The following MTHFS variants were observed in gnomAD, a reference collection of about 807,000 sequenced individuals.
MTHFS encodes the protein 5-formyltetrahydrofolate cyclo-ligase.
In MTHFS, 7 loss-of-function variants were observed where a neutral mutation model predicts 12.7. The ratio of observed to expected loss-of-function variants is 0.55; its 90% CI spans 0.31 to 1.03. The LOEUF (loss-of-function observed/expected upper bound fraction) is 1.03. Among genes scored for constraint, MTHFS ranks in the 50% least tolerant of loss-of-function variants. The probability of loss-of-function intolerance (pLI) is 0.05; values close to 1 mark genes in which losing one functional copy is unlikely to be tolerated. For synonymous variants in MTHFS, 100 were observed against 97.1 expected, an observed-to-expected ratio of 1.03 and a Z score of -0.18; for missense variants, 252 against 258.1, an observed-to-expected ratio of 0.98 and a Z score of 0.16.
intron 2 of MTHFS, among the ~76,000 whole-genome samples, chr15:79,871,657 A>T (rs1264759190): frequency 1.3e-5 from 2 of 152,156 alleles, no homozygotes; most frequent in African/African-American, 2.4e-5. Flanking sequence ...AGACAAAAAA[A>T]ATTAATGCCA....
chr15:79,891,455 AC>A (rs1353814318), intron 1 of MTHFS, among the ~76,000 whole-genome samples: 1 of 152,250 alleles, frequency 6.6e-6, no homozygotes, highest in African/African-American at 2.4e-5. Context: ...TTCTAAAATA[AC>A]AATAGACTGC....
intron 2 of MTHFS, among the ~76,000 whole-genome samples, chr15:79,852,560 C>T (rs920133903): frequency 1.3e-5 from 2 of 152,174 alleles, no homozygotes; most frequent in African/African-American, 4.8e-5. Flanking sequence ...ATCAAACACA[C>T]CGTAGTGAGA....
Position 79,896,650 on chromosome 15 carries a change from C to G in MTHFS, c.117+222G>C. 10 of 804,186 alleles carry G rather than the reference C, an allele frequency of 1.2e-5. No homozygotes were observed. In the South Asian group the frequency reaches 2.0e-4, roughly 16 times the overall value. The allele number at this position is 804,186 out of a possible 1,614,324, so 49.8% of individuals were successfully genotyped here. Reference sequence around the variant, plus strand: ...CTGCCGTCCTCTCGCTCTTTAGCCCCACAACTTTCACTACCGGGCCCTCTC... The same window carrying G: ...CTGCCGTCCTCTCGCTCTTTAGCCCGACAACTTTCACTACCGGGCCCTCTC... On this transcript the variant is annotated intron_variant, in intron 1 of 2. Coordinates refer to ENST00000258874, the MANE Select transcript of MTHFS (RefSeq NM_006441.4).
chr15:79,877,846 A>G (rs755450493), intron 2 of MTHFS: 3 of 149,104 alleles, frequency 2.0e-5, no homozygotes. Context: ...AGGCAGAAGA[A>G]TAACATTGAA....
At chr15:79,884,801 TA>T (rs923204312) in intron 2 of MTHFS, among the ~76,000 whole-genome samples, 1 of 152,108 alleles carries the variant, frequency 6.6e-6, no homozygotes, top group African/African-American at 2.4e-5. Flanking sequence ...AAAAGTTCAA[TA>T]AAAAGTTGAA....
At chr15:79,872,057 A>C (rs1021948089) in intron 2 of MTHFS, among the ~76,000 whole-genome samples, 6 of 149,050 alleles carry the variant, frequency 4.0e-5, no homozygotes, top group African/African-American at 1.2e-4. Flanking sequence ...CTGAGCTGAG[A>C]TAACACCACT....
intron 1 of MTHFS, 67 bp downstream of exon 1, chr15:79,896,805 C>A: frequency 6.5e-7 from 1 of 1,533,834 alleles, no homozygotes; most frequent in Non-Finnish European, 8.7e-7. Flanking sequence ...CACAGATCAG[C>A]AATCGCTGGC....
At chr15:79,846,074 A>G (rs967281456) in intron 2 of MTHFS, among the ~76,000 whole-genome samples, 2 of 152,200 alleles carry the variant, frequency 1.3e-5, no homozygotes, top group African/African-American at 4.8e-5. Flanking sequence ...CTCTCAAGTA[A>G]CACGAAGACC....
chr15:79,875,907 T>C (rs1425776202), intron 2 of MTHFS: 1 of 152,102 alleles, frequency 6.6e-6, no homozygotes, highest in Non-Finnish European at 1.5e-5. Context: ...GATTTGAATA[T>C]TTGAAGAAAC....
intron 2 of MTHFS, among the ~76,000 whole-genome samples, chr15:79,856,690 A>G (rs892407041): frequency 6.6e-6 from 1 of 152,222 alleles, no homozygotes; most frequent in African/African-American, 2.4e-5. Flanking sequence ...TCTGTTGCAC[A>G]GCAATGTGAA....
intron 2 of MTHFS, among the ~76,000 whole-genome samples, chr15:79,853,859 T>C (rs976578855): frequency 6.6e-6 from 1 of 152,254 alleles, no homozygotes; most frequent in African/African-American, 2.4e-5. Context: ...CTTTGAGGTG[T>C]ATCTGTTTAC....
At chr15:79,870,649 G>T (rs1486492724) in intron 2 of MTHFS, among the ~76,000 whole-genome samples, 1 of 152,010 alleles carries the variant, frequency 6.6e-6, no homozygotes, top group Non-Finnish European at 1.5e-5. Flanking sequence ...CAAGAATAAA[G>T]AAGATATGCT....
chr15:79,845,526 T>A, intron 2 of MTHFS, 84 bp from the exon 3 acceptor site: 1 of 1,490,154 alleles, frequency 6.7e-7, no homozygotes, highest in Non-Finnish European at 9.0e-7. Context: ...TGTAATGACA[T>A]CAATTCTTTC....
At chr15:79,881,244 T>C (rs1236525743) in intron 2 of MTHFS, among the ~76,000 whole-genome samples, 3 of 152,214 alleles carry the variant, frequency 2.0e-5, no homozygotes, top group Non-Finnish European at 4.4e-5. Context: ...TTAGTCCTTT[T>C]AAAGACAGTT....
chr15:79,894,033 T>C (rs1326405310), intron 1 of MTHFS, among the ~76,000 whole-genome samples: 2 of 152,214 alleles, frequency 1.3e-5, no homozygotes, highest in African/African-American at 2.4e-5. Flanking sequence ...TGATGATCCA[T>C]TGGTTAGTCA....
intron 2 of MTHFS, among the ~76,000 whole-genome samples, chr15:79,865,435 T>C (rs1399569675): frequency 1.3e-5 from 2 of 152,154 alleles, no homozygotes; most frequent in African/African-American, 4.8e-5. Context: ...AATTTGATAA[T>C]GAAATACATG....
At chr15:79,846,359 A>T (rs914645902) in intron 2 of MTHFS, among the ~76,000 whole-genome samples, 5 of 152,204 alleles carry the variant, frequency 3.3e-5, no homozygotes, top group Non-Finnish European at 5.9e-5. Flanking sequence ...GCCTCCTGAC[A>T]GCTGTCCTGG....
chr15:79,865,495 C>G (rs1330399414), intron 2 of MTHFS, among the ~76,000 whole-genome samples: 2 of 152,228 alleles, frequency 1.3e-5, no homozygotes, highest in Non-Finnish European at 2.9e-5. Flanking sequence ...CAGTGTGGAA[C>G]TGCAGTCAAG....
Position 79,845,138 on chromosome 15 carries a change from C to T in MTHFS, c.*72G>A. The T allele has an allele frequency of 1.9e-6, 3 of 1,557,294 alleles. No individual in the cohort carries two copies. In the South Asian group the frequency reaches 3.6e-5, roughly 19 times the overall value. On this transcript the variant is annotated 3_prime_UTR_variant, in exon 3 of 3. Coordinates refer to ENST00000258874, the MANE Select transcript of MTHFS (RefSeq NM_006441.4). ...ATGAACAATTTCAACTAATTTTTGA[C>T]AAGGGAAAAATACACATACTTTGCT...
Sources: allele counts gnomAD v4.1 joint callset (sites outside exome capture counted in the v4.1 genomes callset), GRCh38; gene constraint gnomAD v4.1.1; transcripts MANE v1.5; gene names NCBI Gene and HGNC (gene_info 2026-07-23, HGNC 2026-07-21).